ITGA9: variants seen among roughly 807,000 people sequenced by gnomAD.
The protein encoded by ITGA9 is integrin subunit alpha 9.
ITGA9 carries 56 observed loss-of-function variants against 127.8 expected under a neutral mutation model. The ratio of observed to expected loss-of-function variants is 0.44; its 90% CI spans 0.35 to 0.55. The LOEUF (loss-of-function observed/expected upper bound fraction) is 0.55. Ranked by LOEUF, ITGA9 falls within the 20% of genes least tolerant of loss-of-function variation. The probability of loss-of-function intolerance (pLI) is 0.00; values close to 1 mark genes in which losing one functional copy is unlikely to be tolerated. For missense variants in ITGA9, 1,196 were observed against 1,347.1 expected, an observed-to-expected ratio of 0.89 and a Z score of 1.76; for synonymous variants, 508 against 514.5, an observed-to-expected ratio of 0.99 and a Z score of 0.17.
At chr3:37,651,549 A>G (rs989604139) in intron 16 of ITGA9, among the ~76,000 whole-genome samples, 4 of 152,238 alleles carry the variant, frequency 2.6e-5, no homozygotes, top group East Asian at 1.9e-4. Context: ...AGACCAGTAC[A>G]GTGCCCCCTG....
At chr3:37,520,923 C>T (rs1340410059) in intron 11 of ITGA9, among the ~76,000 whole-genome samples, 1 of 152,228 alleles carries the variant, frequency 6.6e-6, no homozygotes, top group African/African-American at 2.4e-5. Context: ...GAGACCCCAG[C>T]TTCCCCTCCT....
At chr3:37,562,339 A>G (rs57533673) in intron 15 of ITGA9, among the ~76,000 whole-genome samples, 2,839 of 152,284 alleles carry the variant, frequency 0.019, 99 homozygotes, top group African/African-American at 0.064. Context: ...CAGACTCAGC[A>G]TCCTGAGTTC....
At chr3:37,470,742 G>A (rs903240738) in intron 1 of ITGA9, among the ~76,000 whole-genome samples, 1 of 152,048 alleles carries the variant, frequency 6.6e-6, no homozygotes, top group South Asian at 2.1e-4. Flanking sequence ...GGGCTCAAGC[G>A]ATCCACCCGC....
chr3:37,808,846 A>G (rs1697331601), intron 27 of ITGA9: 1 of 152,206 alleles, frequency 6.6e-6, no homozygotes, highest in Admixed American at 6.5e-5. Flanking sequence ...TGGTTCTTCC[A>G]GCAGATGGTC....
At chr3:37,537,064 GTTCAAGGTTATAC>G (rs1395380261) in intron 14 of ITGA9, among the ~76,000 whole-genome samples, 2 of 152,230 alleles carry the variant, frequency 1.3e-5, no homozygotes, top group African/African-American at 4.8e-5. Flanking sequence ...GAGAACCACT[GTTCAAGGTTATAC>G]TTCGGGTTAA....
chr3:37,797,170 A>G (rs1697183662), intron 26 of ITGA9, among the ~76,000 whole-genome samples: 2 of 152,264 alleles, frequency 1.3e-5, no homozygotes, highest in South Asian at 4.1e-4. Context: ...TCTACAAATA[A>G]TAATAATAAT....
At chr3:37,744,479 G>A (rs557600303) in intron 22 of ITGA9, among the ~76,000 whole-genome samples, 7 of 152,328 alleles carry the variant, frequency 4.6e-5, no homozygotes, top group Admixed American at 2.6e-4. Flanking sequence ...ACAGCCTTTC[G>A]GAAGGGCAGT....
intron 15 of ITGA9, among the ~76,000 whole-genome samples, chr3:37,595,672 T>G (rs1699862590): frequency 6.6e-6 from 1 of 152,186 alleles, no homozygotes; most frequent in Non-Finnish European, 1.5e-5. Context: ...GCTTCTCCAT[T>G]CCATTCCTTT....
At chr3:37,533,177 TTC>T in intron 13 of ITGA9, 135 bp from the exon 14 acceptor site, 1 of 826,884 alleles carries the variant, frequency 1.2e-6, no homozygotes, top group Non-Finnish European at 2.0e-6. Context: ...ATACTAGCCC[TTC>T]TCTCTTGGGA....
At chr3:37,619,212 C>G (rs1700104676) in intron 15 of ITGA9, among the ~76,000 whole-genome samples, 1 of 152,234 alleles carries the variant, frequency 6.6e-6, no homozygotes, top group African/African-American at 2.4e-5. Context: ...TGCCTCTCCA[C>G]TACTGATATG....
intron 4 of ITGA9, among the ~76,000 whole-genome samples, chr3:37,488,003 A>G (rs946467066): frequency 3.3e-5 from 5 of 152,166 alleles, no homozygotes; most frequent in African/African-American, 1.2e-4. Context: ...CAGGAGACCA[A>G]TCTGCTCTAG....
At chr3:37,772,185 C>T (rs1205434625) in intron 23 of ITGA9, among the ~76,000 whole-genome samples, 2 of 152,066 alleles carry the variant, frequency 1.3e-5, no homozygotes, top group African/African-American at 4.8e-5. Context: ...GCAGGTGGAT[C>T]TCCTGAGGTC....
chr3:37,534,401 G>A (rs1370541040), intron 14 of ITGA9, among the ~76,000 whole-genome samples: 1 of 152,202 alleles, frequency 6.6e-6, no homozygotes, highest in East Asian at 1.9e-4. Context: ...CTCCGCTTTG[G>A]ACTTCTGAAT....
intron 15 of ITGA9, among the ~76,000 whole-genome samples, chr3:37,612,516 T>C (rs1257760448): frequency 6.6e-6 from 1 of 152,224 alleles, no homozygotes; most frequent in African/African-American, 2.4e-5. Context: ...GTCTTTCTAA[T>C]ACTTTTGTGG....
chr3:37,721,114 CTTTTTTTTT>C (rs35254377), intron 18 of ITGA9, among the ~76,000 whole-genome samples: 2 of 93,256 alleles, frequency 2.1e-5, no homozygotes, highest in East Asian at 3.0e-4. Context: ...CTTTTCTTGC[CTTTTTTTTT>C]TTTTTTTTTT....
chr3:37,808,571 C>T (rs940998903), intron 27 of ITGA9: 1 of 152,222 alleles, frequency 6.6e-6, no homozygotes, highest in African/African-American at 2.4e-5. Context: ...TGCATACAAA[C>T]TGCCCCCAAA....
intron 16 of ITGA9, among the ~76,000 whole-genome samples, chr3:37,651,087 C>T (rs970148095): frequency 2.0e-5 from 3 of 152,122 alleles, no homozygotes; most frequent in Non-Finnish European, 4.4e-5. Context: ...TACAAGCACT[C>T]ATATAACCTG....
At chr3:37,613,549 A>G (rs1185986580) in intron 15 of ITGA9, among the ~76,000 whole-genome samples, 3 of 152,244 alleles carry the variant, frequency 2.0e-5, no homozygotes, top group Non-Finnish European at 4.4e-5. Flanking sequence ...ACTGACTTCC[A>G]CAATGGTTGA....
intron 22 of ITGA9, chr3:37,748,427 T>A (rs1696534636): frequency 3.4e-6 from 2 of 589,254 alleles, no homozygotes; most frequent in Admixed American, 2.1e-5. Flanking sequence ...GATAGCTTCC[T>A]GAAACACGTG....
Sources: gnomAD v4.1 joint callset for allele counts (sites outside exome capture counted in the v4.1 genomes callset) on GRCh38, gnomAD v4.1.1 for gene constraint, MANE v1.5 for transcripts, NCBI Gene and HGNC (gene_info 2026-07-23, HGNC 2026-07-21) for gene names.